Variants in HMGXB4 observed in about 807,000 individuals in gnomAD.
The protein encoded by HMGXB4 is HMG domain-containing protein 4.
Under a neutral mutation model 63.9 loss-of-function variants are expected in HMGXB4, and 27 were observed. That is an observed-to-expected ratio of 0.42 (90% CI 0.31 to 0.58). The LOEUF (loss-of-function observed/expected upper bound fraction) is 0.58, where lower values mean the gene tolerates loss of function less well. HMGXB4 is among the 20% of genes least tolerant of loss of function. HMGXB4 has a pLI of 0.13. For missense variants in HMGXB4, 624 were observed against 700.7 expected (o/e 0.89, Z 1.24); for synonymous variants, 264 against 265.3 (o/e 0.99, Z 0.05).
chr22:35,287,249 A>G lies in HMGXB4; in HGVS notation c.1363-98A>G, dbSNP rs968740516. The G allele has an allele frequency of 1.5e-5, 14 of 951,566 alleles. No individual in the cohort carries two copies. In the East Asian group the frequency reaches 1.6e-4, roughly 11 times the overall value. 58.9% of individuals were successfully genotyped at this position (951,566 alleles called of 1,614,324 possible). A position where few individuals can be genotyped will look rare whatever the true frequency, so the allele number is the denominator to read the frequency against. ...ACCCTCTGTCTGCCCGCCTCTTACT[A>G]TTGCCTTTCTTTTCTCCATTTTGTT... On this transcript the variant is annotated intron_variant, in intron 7 of 10. Transcript: ENST00000216106.
chr22:35,258,128 C>T (rs1922568851), intron 1 of HMGXB4: 1 of 152,232 alleles, frequency 6.6e-6, no homozygotes, highest in Admixed American at 6.5e-5. Context: ...GGGAGAATCC[C>T]ACTGGTTTGC....
chr22:35,251,396 A>C, the HMGXB4 span, among the ~76,000 whole-genome samples: 1 of 152,134 alleles, frequency 6.6e-6, no homozygotes, highest in African/African-American at 2.4e-5. Context: ...TAACTTTCCA[A>C]AACAATTCTC....
At chr22:35,285,299 C>T (rs940737858) in intron 6 of HMGXB4, among the ~76,000 whole-genome samples, 7 of 152,198 alleles carry the variant, frequency 4.6e-5, no homozygotes, top group Non-Finnish European at 7.3e-5. Context: ...AATCCCAACA[C>T]TTTGGGAGGC....
At chr22:35,263,936 G>A in intron 4 of HMGXB4, 62 bp downstream of exon 4, 1 of 1,596,946 alleles carries the variant, frequency 6.3e-7, no homozygotes, top group Non-Finnish European at 8.6e-7. Context: ...AGTCGGGGTA[G>A]GGGAAAGGGA....
intron 4 of HMGXB4, 109 bp from the exon 5 acceptor site, chr22:35,264,539 A>T: frequency 1.3e-6 from 1 of 752,604 alleles, no homozygotes; most frequent in Admixed American, 2.4e-5. Context: ...CCTTCAAATC[A>T]TTCCTGTTAG....
the HMGXB4 span, among the ~76,000 whole-genome samples, chr22:35,241,937 T>C: frequency 6.6e-6 from 1 of 152,188 alleles, no homozygotes; most frequent in Non-Finnish European, 1.5e-5. Context: ...CTGCCTCCCA[T>C]CCGCCATGAT....
chr22:35,242,959 G>T, the HMGXB4 span, among the ~76,000 whole-genome samples: 1 of 152,074 alleles, frequency 6.6e-6, no homozygotes, highest in South Asian at 2.1e-4. Flanking sequence ...TTTCTAGTTT[G>T]ATTCCATTTT....
Position 35,262,400 on chromosome 22 carries a change from G to A in HMGXB4, c.10G>A (p.Asp4Asn). MAY[D>N]DSVKKEDCFD... is the part of the protein sequence containing the mutation. Reference sequence around the variant, plus strand: ...GCCCTGCAGGACCACCATGGCTTATGATGACTCCGTGAAGAAAGAAGGTAT... The same window carrying A: ...GCCCTGCAGGACCACCATGGCTTATAATGACTCCGTGAAGAAAGAAGGTAT... The change falls in exon 2 of 11, where the codon GAT (aspartate) becomes AAT (asparagine). Residue 4 changes from aspartate (D) to asparagine (N), a missense_variant. By Grantham distance (23) the Asp-to-Asn change is conservative. Coordinates refer to ENST00000216106, the MANE Select transcript of HMGXB4 (RefSeq NM_001003681.3). The A allele has an allele frequency of 6.2e-7, 1 of 1,614,112 alleles. No individual in the cohort carries two copies. The highest frequency in any genetic ancestry group is 8.5e-7 in the Non-Finnish European group (1 of 1,179,954).
chr22:35,282,316 A>G (rs912624121), intron 5 of HMGXB4, among the ~76,000 whole-genome samples: 1 of 152,140 alleles, frequency 6.6e-6, no homozygotes, highest in African/African-American at 2.4e-5. Flanking sequence ...AGCTGGGACT[A>G]CAGGCGCCCA....
At chr22:35,262,642 CTT>C in intron 2 of HMGXB4, 1 of 584,524 alleles carries the variant, frequency 1.7e-6, no homozygotes, top group South Asian at 2.0e-5. Flanking sequence ...ATATGAGTCT[CTT>C]AGTTTATTGG....
At chr22:35,278,321 T>C (rs1284645057) in intron 5 of HMGXB4, among the ~76,000 whole-genome samples, 1 of 152,242 alleles carries the variant, frequency 6.6e-6, no homozygotes, top group South Asian at 2.1e-4. Context: ...AACTTCCAAG[T>C]GCAGGTTTTT....
chr22:35,260,411 T>A (rs1245310068), intron 1 of HMGXB4, among the ~76,000 whole-genome samples: 1 of 152,198 alleles, frequency 6.6e-6, no homozygotes, highest in African/African-American at 2.4e-5. Context: ...TCCCTGTATT[T>A]CCCTTCTACC....
At chr22:35,282,112 C>G (rs1038978309) in intron 5 of HMGXB4, among the ~76,000 whole-genome samples, 2 of 152,178 alleles carry the variant, frequency 1.3e-5, no homozygotes, top group African/African-American at 2.4e-5. Context: ...GTTTTCATCA[C>G]AAAACCTGAC....
rs372654716 is a variant in HMGXB4 at position 35,262,363 on chromosome 22, A to G, written c.-28A>G. 1 of 1,612,314 alleles carries G rather than the reference A, an allele frequency of 6.2e-7. No homozygotes were observed. The highest frequency in any genetic ancestry group is 1.3e-5 in the African/African-American group (1 of 74,890). ...CGGGAAGGAGCCTGGACACAGTGAC[A>G]CATTCTCAAAGGCCCTGCAGGACCA... On this transcript the variant is annotated 5_prime_UTR_variant, in exon 2 of 11. Coordinates refer to ENST00000216106, the MANE Select transcript of HMGXB4 (RefSeq NM_001003681.3).
chr22:35,262,519 G>C (rs1349103817), intron 2 of HMGXB4, 98 bp downstream of exon 2: 1 of 1,209,074 alleles, frequency 8.3e-7, no homozygotes, highest in African/African-American at 1.5e-5. Context: ...CCACAGCCTG[G>C]ACTCCCAAGT....
In HMGXB4 at chr22:35,266,857, A is replaced by C. The variant is rs113881945; in HGVS notation, c.1215+1254A>C. Among the ~76,000 whole-genome samples the C allele has an allele frequency of 5.8e-3, 875 of 152,164 alleles. 16 individuals are homozygous for C. The highest frequency in any genetic ancestry group is 0.02 in the African/African-American group (833 of 41,536). On this transcript the variant is annotated intron_variant, in intron 5 of 10. Transcript: ENST00000216106. ...AAATTTGCCTGGTGTGGGGGTGCAC[A>C]TCTATAGTCCCAGCTACTCAGGAGA...
At chr22:35,262,811 C>A in intron 2 of HMGXB4, 1 of 529,034 alleles carries the variant, frequency 1.9e-6, no homozygotes, top group Non-Finnish European at 3.3e-6. Flanking sequence ...CCTACCAAAT[C>A]ACAACTCAGA....
In HMGXB4 at chr22:35,287,393, C is replaced by G. The variant is rs1387601427; in HGVS notation, c.1409C>G (p.Ala470Gly). 1 of 1,613,518 alleles carries G rather than the reference C, an allele frequency of 6.2e-7. No individual in the cohort carries two copies. The highest frequency in any genetic ancestry group is 8.5e-7 in the Non-Finnish European group (1 of 1,179,690). The part of the protein sequence containing the change: ...AQYLQHKQNK[A>G]EATTVKRKAS... ...TATCTGCAGCACAAACAGAACAAAG[C>G]AGAAGCCACAACTGTGAAAAGGAAA... Residue 470 changes from alanine (A) to glycine (G), a missense_variant, in exon 8 of 11, where the codon GCA (alanine) becomes GGA (glycine). Coordinates refer to ENST00000216106, the MANE Select transcript of HMGXB4 (RefSeq NM_001003681.3).
Position 35,288,247 on chromosome 22 carries a change from T to C in HMGXB4, c.1478T>C (p.Val493Ala), listed in dbSNP as rs1457246588. ...ATTGCTCTGTTCTCAGCCTCTTCTG[T>C]AGGAGTACTGTCACCCCAGAAGAAG... ...EGSMKVKASS[V>A]GVLSPQKKSP... Residue 493 changes from valine (V) to alanine (A), a missense_variant, in exon 9 of 11, where the codon GTA becomes GCA. Coordinates refer to ENST00000216106, the MANE Select transcript of HMGXB4 (RefSeq NM_001003681.3). 1.3e-6 allele frequency: 2 copies of C among 1,574,946 alleles called. No homozygotes were observed. Among genetic ancestry groups the C allele is most frequent in the East Asian group, 4.6e-5 (2 of 43,632 alleles).
Sources: gnomAD v4.1 joint callset for allele counts (sites outside exome capture counted in the v4.1 genomes callset) on GRCh38, gnomAD v4.1.1 for gene constraint, MANE v1.5 for transcripts, NCBI Gene and HGNC (gene_info 2026-07-23, HGNC 2026-07-21) for gene names.